Variants in TONSL observed in about 807,000 individuals in gnomAD.
TONSL encodes the protein tonsoku like, DNA repair protein, also known as tonsoku-like protein.
Under a neutral mutation model 147.1 loss-of-function variants are expected in TONSL, and 112 were observed. The observed-to-expected ratio is 0.76, with a 90% CI of 0.65 to 0.89. TONSL has a LOEUF of 0.89. TONSL is among the 40% of genes least tolerant of loss of function. The pLI is 0.00. For missense variants in TONSL, 1,883 were observed against 1,864.6 expected (o/e 1.01, Z -0.18); for synonymous variants, 868 against 801.5 (o/e 1.08, Z -1.40).
At position 144,435,838 on chromosome 8, in the gene TONSL, C is replaced by G; in HGVS notation, c.2595G>C (p.Ser865=). ...DNRRPSSTSG[S]DSEESRPRAR... The stretch of plus-strand genomic sequence containing the variant: ...CACGGGGCCTGCTCTCCTCACTGTC[C>G]GACCCAGAGGTACTACTGGGCCTGC... Residue 865 remains serine, a synonymous_variant, in exon 17 of 26, where the codon TCG becomes TCC. Coordinates refer to ENST00000409379, the MANE Select transcript of TONSL (RefSeq NM_013432.5). 1 of 1,611,744 alleles carries G rather than the reference C, an allele frequency of 6.2e-7. No individual in the cohort carries two copies. Among genetic ancestry groups the G allele is most frequent in the African/African-American group, 1.3e-5 (1 of 74,834 alleles).
Position 144,442,255 on chromosome 8 carries a change from C to T in TONSL, c.736G>A (p.Val246Met), listed in dbSNP as rs199674114. 59 of 1,589,372 alleles carry T rather than the reference C, an allele frequency of 3.7e-5. No individual in the cohort carries two copies. The highest frequency in any genetic ancestry group is 6.7e-5 in the East Asian group (3 of 44,452). ...RKRFMESECC[V>M]VIAQVLQDLG... ...ACAGCGGGTACCTGTGCAATAACCA[C>T]GCAGCACTCGCTCTCCATGAACCGC... The change falls in exon 6 of 26, where the codon GTG becomes ATG. Residue 246 changes from valine (V) to methionine (M), a missense_variant. Transcript: ENST00000409379.
intron 3 of TONSL, 132 bp from the exon 4 acceptor site, chr8:144,443,453 G>T: frequency 1.2e-6 from 1 of 849,962 alleles, no homozygotes; most frequent in Non-Finnish European, 1.8e-6. Flanking sequence ...GCAGGCCAAG[G>T]CCAGACACGT....
chr8:144,431,934 T>C (rs1049758989), intron 23 of TONSL, among the ~76,000 whole-genome samples: 2 of 151,366 alleles, frequency 1.3e-5, no homozygotes, highest in Admixed American at 6.6e-5. Flanking sequence ...GTTCAACCAA[T>C]TCTCTGCCTC....
Position 144,436,775 on chromosome 8 carries a change from G to A in TONSL, c.1872C>T (p.Val624=). The A allele has an allele frequency of 6.2e-7, 1 of 1,611,174 alleles. No homozygotes were observed. The highest frequency in any genetic ancestry group is 1.7e-4 in the Middle Eastern group (1 of 6,060). The part of the protein sequence containing the change: ...AELLLERGAS[V]TLRTRKGLSP... ...GGCTCACCTTTCGAGTGCGGAGGGT[G>A]ACGGACGCCCCCCGTTCAAGCAGCA... Residue 624 remains valine, a synonymous_variant, in exon 15 of 26, where the codon GTC becomes GTT. Coordinates refer to ENST00000409379, the MANE Select transcript of TONSL (RefSeq NM_013432.5).
chr8:144,441,982 C>T (rs1823736109), intron 7 of TONSL, 55 bp downstream of exon 7: 1 of 1,534,902 alleles, frequency 6.5e-7, no homozygotes, highest in Non-Finnish European at 9.0e-7. Flanking sequence ...CACCCCGCCC[C>T]CAGGCTCACC....
intron 25 of TONSL, 39 bp downstream of exon 25, chr8:144,430,365 G>A (rs1823133011): frequency 6.5e-7 from 1 of 1,529,904 alleles, no homozygotes; most frequent in Non-Finnish European, 8.8e-7. Flanking sequence ...CCCTGAAAAG[G>A]CCGAACATGG....
In TONSL at chr8:144,435,488, G is replaced by T. The variant is rs1823406656; in HGVS notation, c.2838C>A (p.Ile946=). ...RVQVQDHLFL[I]PVPHSSDTHS... The stretch of plus-strand genomic sequence containing the variant: ...CGATGCCTCACCTGTGTGGGACAGG[G>T]ATGAGGAAGAGATGATCCTGAACTT... Residue 946 remains isoleucine, a synonymous_variant, in exon 18 of 26, where the codon ATC becomes ATA. Transcript: ENST00000409379. 2 of 1,548,686 alleles carry T rather than the reference G, an allele frequency of 1.3e-6. No homozygotes were observed. The highest frequency in any genetic ancestry group is 1.7e-6 in the Non-Finnish European group (2 of 1,145,692).
intron 3 of TONSL, 74 bp downstream of exon 3, chr8:144,443,808 G>C: frequency 6.6e-7 from 1 of 1,522,550 alleles, no homozygotes; most frequent in Non-Finnish European, 8.8e-7. Context: ...TGACGGCGAA[G>C]ACCAGGCCTC....
At position 144,435,000 on chromosome 8, in the gene TONSL, T is replaced by G; in HGVS notation, c.3006+17A>C. 6.8e-6 allele frequency: 11 copies of G among 1,612,048 alleles called. No homozygotes were observed. Among genetic ancestry groups the G allele is most frequent in the Non-Finnish European group, 9.3e-6 (11 of 1,179,520 alleles). Reference sequence around the variant, plus strand: ...CGGTGCCTGAGGCCCTGGCTCCCCCTCCGCTCTGCGGCTCACCTCGTCATT... The same window carrying G: ...CGGTGCCTGAGGCCCTGGCTCCCCCGCCGCTCTGCGGCTCACCTCGTCATT... On this transcript the variant is annotated intron_variant, in intron 19 of 25. Transcript: ENST00000409379.
Position 144,436,375 on chromosome 8 carries a change from C to A in TONSL, c.2058G>T (p.Leu686=). 6.7e-7 allele frequency: 1 copy of A among 1,503,312 alleles called. No individual in the cohort carries two copies. Among genetic ancestry groups the A allele is most frequent in the African/African-American group, 1.4e-5 (1 of 71,814 alleles). 93.1% of individuals were successfully genotyped at this position (1,503,312 alleles called of 1,614,324 possible). A position where few individuals can be genotyped will look rare whatever the true frequency, so the allele number is the denominator to read the frequency against. ...SQAFHTPSSL[L]FDPETSPPLS... Reference sequence around the variant, plus strand: ...AAGGAGGAGAGGTCTCGGGGTCAAACAGAAGGCTGCTTGGGGTGTGGAAGG... The same window carrying A: ...AAGGAGGAGAGGTCTCGGGGTCAAAAAGAAGGCTGCTTGGGGTGTGGAAGG... The change falls in exon 17 of 26, where the codon CTG becomes CTT. Residue 686 remains leucine, a synonymous_variant. Coordinates refer to ENST00000409379, the MANE Select transcript of TONSL (RefSeq NM_013432.5).
intron 3 of TONSL, 131 bp downstream of exon 3, chr8:144,443,751 A>T: frequency 7.6e-7 from 1 of 1,309,034 alleles, no homozygotes; most frequent in Non-Finnish European, 1.0e-6. Flanking sequence ...CGGGGCGGTG[A>T]AGGCAAGGCT....
chr8:144,430,658 C>A lies in TONSL; in HGVS notation c.3810-121G>T, dbSNP rs1417181100. ...CCTCGGGCCAGACCCAGGGGCTCTG[C>A]CTCAGCCTGGCCCAGTAGCAGGTGG... On this transcript the variant is annotated intron_variant, in intron 24 of 25. Transcript: ENST00000409379. 3.2e-6 allele frequency: 4 copies of A among 1,261,572 alleles called. No homozygotes were observed. In the African/African-American group the frequency reaches 6.0e-5, roughly 19 times the overall value. The allele number at this position is 1,261,572 out of a possible 1,614,324, so 78.1% of individuals were successfully genotyped here.
At chr8:144,444,078 T>C (rs1823818379) in intron 2 of TONSL, 54 bp from the exon 3 acceptor site, 4 of 1,374,450 alleles carry the variant, frequency 2.9e-6, no homozygotes, top group Admixed American at 3.1e-5. Flanking sequence ...AGGGCGGCCC[T>C]GGGGCGGCGT....
chr8:144,433,679 G>C lies in TONSL; in HGVS notation c.3468C>G (p.Cys1156Trp). Reference sequence around the variant, plus strand: ...GCAGGCGCAGGGTGCTGAGTAAGGGGCAGGCGTGCAGGAGGGAGGCCAGGG... The same window carrying C: ...GCAGGCGCAGGGTGCTGAGTAAGGGCCAGGCGTGCAGGAGGGAGGCCAGGG... ...GQSLASLLHA[C>W]PLLSTLRLQA... The change falls in exon 22 of 26, where the codon TGC becomes TGG. Residue 1156 changes from cysteine to tryptophan, a missense_variant. Cys to Trp is a radical substitution (Grantham distance 215, BLOSUM62 -2). Transcript: ENST00000409379. The C allele has an allele frequency of 6.2e-7, 1 of 1,612,812 alleles. No individual in the cohort carries two copies.
rs782166747 is a variant in TONSL at position 144,429,155 on chromosome 8, AAAG to A, written c.4122_4124del (p.Phe1375del). On this transcript the variant is annotated inframe_deletion, in exon 26 of 26. Transcript: ENST00000409379. Reference sequence around the variant, plus strand: ...GGCAGCGCCAGGGTCAGAGGCGCCGAAAGAAGAGCTTGGAGCCGTGGTCCAGCG... The same window carrying A: ...GGCAGCGCCAGGGTCAGAGGCGCCGAAAGAGCTTGGAGCCGTGGTCCAGCG... The A allele has an allele frequency of 1.1e-5, 17 of 1,530,244 alleles. No individual in the cohort carries two copies. The highest frequency in any genetic ancestry group is 6.0e-5 in the South Asian group (5 of 83,604). The allele number at this position is 1,530,244 out of a possible 1,614,324, so 94.8% of individuals were successfully genotyped here. A position where few individuals can be genotyped will look rare whatever the true frequency, so the allele number is the denominator to read the frequency against.
chr8:144,436,837 C>T lies in TONSL; in HGVS notation c.1810G>A (p.Asp604Asn), dbSNP rs759517082. 5 of 1,611,010 alleles carry T rather than the reference C, an allele frequency of 3.1e-6. No homozygotes were observed. The highest frequency in any genetic ancestry group is 1.1e-5 in the South Asian group (1 of 91,084). ...TCGAAGTGGCCACAGTTGAGGGCAT[C>T]GTGGAGGGGGGTGATGCCTTCGCAG... ...QGCEGITPLH[D>N]ALNCGHFEVA... Residue 604 changes from aspartate to asparagine, a missense_variant, in exon 15 of 26, where the codon GAT (aspartate) becomes AAT (asparagine). Physicochemically the swap from Asp to Asn is conservative, Grantham distance 23 (BLOSUM62 1). Transcript: ENST00000409379.
chr8:144,442,494 C>G lies in TONSL; in HGVS notation c.579-82G>C. The G allele has an allele frequency of 2.7e-6, 4 of 1,492,526 alleles. No individual in the cohort carries two copies. In the South Asian group the frequency reaches 5.3e-5, roughly 20 times the overall value. The allele number at this position is 1,492,526 out of a possible 1,614,324, so 92.5% of individuals were successfully genotyped here. On this transcript the variant is annotated intron_variant, in intron 5 of 25. Transcript: ENST00000409379. ...CCACACGGGCCCCAGCCCTGCCATG[C>G]TGTGGTCTCAGGGCCCTAACCATGC... is the stretch of plus-strand genomic sequence containing the variant.
At position 144,429,190 on chromosome 8, in the gene TONSL, C is replaced by A; in HGVS notation, c.4090G>T (p.Glu1364Ter). The change falls in exon 26 of 26, where the codon GAG (glutamate) becomes TAG (stop). Residue 1364 changes from glutamate (E) to a stop codon, truncating the protein, a stop_gained. Transcript: ENST00000409379. LOFTEE classifies it high-confidence loss of function. ...TTGGAGCCGTGGTCCAGCGTGCACT[C>A]GCCGGGGCCCGGCCGACTGGGCTGC... Reference protein sequence around the residue: ...QLQPSRPGPGECTLDHGSKLF... With the variant: ...QLQPSRPGPG 1 of 1,534,644 alleles carries A rather than the reference C, an allele frequency of 6.5e-7. No individual in the cohort carries two copies. The highest frequency in any genetic ancestry group is 8.7e-7 in the Non-Finnish European group (1 of 1,144,926).
In TONSL at chr8:144,436,636, G is replaced by A. The variant is rs546749458; in HGVS notation, c.1936C>T (p.Arg646Cys). The A allele has an allele frequency of 1.0e-4, 166 of 1,612,190 alleles. 3 individuals carry two copies. In the South Asian group the frequency reaches 1.6e-3, roughly 16 times the overall value. ...CGCGTCTCCAGGTCCAGGTCCCTGC[G>A]GTACAGCTTCACCCACTGCTGCAGC... ...ETLQQWVKLY[R>C]RDLDLETRQK... The change falls in exon 16 of 26, where the codon CGC becomes TGC. Residue 646 changes from arginine to cysteine, a missense_variant. Physicochemically the swap from Arg to Cys is radical, Grantham distance 180. Transcript: ENST00000409379.
Sources: allele counts gnomAD v4.1 joint callset (sites outside exome capture counted in the v4.1 genomes callset), GRCh38; gene constraint gnomAD v4.1.1; transcripts MANE v1.5; gene names NCBI Gene and HGNC (gene_info 2026-07-23, HGNC 2026-07-21).